The following SAMD12 variants were observed in gnomAD, a reference collection of about 807,000 sequenced individuals.
The protein encoded by SAMD12 is sterile alpha motif domain-containing protein 12.
In SAMD12, 9 loss-of-function variants were observed where a neutral mutation model predicts 15.0. The observed-to-expected ratio is 0.60, with a 90% CI of 0.36 to 1.05. The LOEUF (loss-of-function observed/expected upper bound fraction) is 1.05, where lower values mean the gene tolerates loss of function less well. Among genes scored for constraint, SAMD12 ranks in the 50% least tolerant of loss-of-function variants. The pLI is 0.01. For synonymous variants in SAMD12, 86 were observed against 90.1 expected (o/e 0.96, Z 0.25); for missense variants, 230 against 234.2 (o/e 0.98, Z 0.12).
intron 3 of SAMD12, among the ~76,000 whole-genome samples, chr8:118,413,536 T>A (rs1157451826): frequency 2.6e-5 from 4 of 152,196 alleles, no homozygotes; most frequent in Admixed American, 2.0e-4. Context: ...TCCACAATGG[T>A]CTTATCTCTG....
intron 4 of SAMD12, among the ~76,000 whole-genome samples, chr8:118,371,904 A>G (rs1356877296): frequency 6.6e-6 from 1 of 152,168 alleles, no homozygotes; most frequent in Admixed American, 6.5e-5. Context: ...ACAGCCTGAG[A>G]GAGGCCATTA....
intron 4 of SAMD12, among the ~76,000 whole-genome samples, chr8:118,307,966 C>G (rs1053707946): frequency 1.3e-5 from 2 of 152,226 alleles, no homozygotes; most frequent in African/African-American, 2.4e-5. Flanking sequence ...AAGGTCACAG[C>G]CCTTATGACA....
intron 2 of SAMD12, among the ~76,000 whole-genome samples, chr8:118,492,121 C>CTTTTTTTTTTT: frequency 8.9e-6 from 1 of 112,578 alleles, no homozygotes; most frequent in Non-Finnish European, 1.7e-5. Flanking sequence ...ACTGGTGTTG[C>CTTTTTTTTTTT]CTTTTTTTTT....
At chr8:118,204,911 C>G (rs1257119790) in intron 4 of SAMD12, among the ~76,000 whole-genome samples, 1 of 152,290 alleles carries the variant, frequency 6.6e-6, no homozygotes, top group South Asian at 2.1e-4. Context: ...CACAATAAGT[C>G]TGTGATGGTT....
At chr8:118,411,933 T>C (rs773091341) in intron 3 of SAMD12, among the ~76,000 whole-genome samples, 27 of 152,210 alleles carry the variant, frequency 1.8e-4, no homozygotes, top group Admixed American at 2.0e-4. Flanking sequence ...ATTTGGGCAG[T>C]GTCCTGGTTG....
chr8:118,151,505 TC>T, the SAMD12 span, among the ~76,000 whole-genome samples: 2 of 152,064 alleles, frequency 1.3e-5, no homozygotes, highest in African/African-American at 4.8e-5. Context: ...CCTGGAGTGA[TC>T]ATAGCAGGAA....
chr8:118,584,436 CTTAAT>C (rs1340879494), intron 1 of SAMD12, among the ~76,000 whole-genome samples: 2 of 152,072 alleles, frequency 1.3e-5, no homozygotes. Context: ...AAGTTATTTA[CTTAAT>C]TTAATGGGCT....
At chr8:118,517,084 G>C (rs572480982) in intron 2 of SAMD12, among the ~76,000 whole-genome samples, 6 of 152,264 alleles carry the variant, frequency 3.9e-5, no homozygotes, top group South Asian at 4.1e-4. Flanking sequence ...CCTTCTAGGG[G>C]TAAGTAGCCC....
At chr8:118,137,111 C>T in the SAMD12 span, among the ~76,000 whole-genome samples, 1 of 152,192 alleles carries the variant, frequency 6.6e-6, no homozygotes, top group Non-Finnish European at 1.5e-5. Context: ...TCCAGGGCCC[C>T]AGTTACAGAA....
intron 4 of SAMD12, among the ~76,000 whole-genome samples, chr8:118,247,753 T>C (rs763288277): frequency 2.1e-4 from 32 of 151,980 alleles, no homozygotes; most frequent in Non-Finnish European, 4.4e-4. Context: ...CCACCACTCC[T>C]GACTAATTTT....
chr8:118,216,423 C>T (rs1811961387), intron 4 of SAMD12, among the ~76,000 whole-genome samples: 2 of 151,952 alleles, frequency 1.3e-5, no homozygotes, highest in Admixed American at 1.3e-4. Flanking sequence ...CCTGTTCACT[C>T]TGATGGTAGT....
chr8:118,239,659 T>C (rs1812523146), intron 4 of SAMD12, among the ~76,000 whole-genome samples: 1 of 152,160 alleles, frequency 6.6e-6, no homozygotes, highest in South Asian at 2.1e-4. Context: ...GTTCTTCCCA[T>C]CCAGGGTTGG....
intron 4 of SAMD12, among the ~76,000 whole-genome samples, chr8:118,253,134 C>T (rs1391137754): frequency 2.0e-5 from 3 of 152,178 alleles, no homozygotes; most frequent in Non-Finnish European, 4.4e-5. Flanking sequence ...GATATTTCTT[C>T]ATGAGCCAGC....
At chr8:118,455,604 T>G (rs901157473) in intron 2 of SAMD12, among the ~76,000 whole-genome samples, 1 of 152,300 alleles carries the variant, frequency 6.6e-6, no homozygotes, top group East Asian at 1.9e-4. Flanking sequence ...AGTTTATTAT[T>G]CTTTCTCAAT....
At chr8:118,322,040 A>C (rs1257579190) in intron 4 of SAMD12, among the ~76,000 whole-genome samples, 1 of 152,004 alleles carries the variant, frequency 6.6e-6, no homozygotes, top group African/African-American at 2.4e-5. Flanking sequence ...TGTTCACCTT[A>C]CTGACTCCTC....
intron 2 of SAMD12, among the ~76,000 whole-genome samples, chr8:118,502,641 TGTAAA>T: frequency 6.6e-6 from 1 of 152,320 alleles, no homozygotes; most frequent in South Asian, 2.1e-4. Context: ...TGAATAAAAA[TGTAAA>T]ATTAAATTCA....
intron 2 of SAMD12, among the ~76,000 whole-genome samples, chr8:118,473,451 A>G (rs1443506794): frequency 1.3e-5 from 2 of 152,150 alleles, no homozygotes; most frequent in Non-Finnish European, 2.9e-5. Context: ...TCCCACAACC[A>G]CATCTTTATA....
At chr8:118,553,518 T>C (rs1025323217) in intron 2 of SAMD12, among the ~76,000 whole-genome samples, 9 of 152,214 alleles carry the variant, frequency 5.9e-5, no homozygotes, top group Non-Finnish European at 1.0e-4. Flanking sequence ...TCACACCTTA[T>C]ACAAAAATCA....
intron 2 of SAMD12, among the ~76,000 whole-genome samples, chr8:118,514,426 A>G (rs1218388466): frequency 2.0e-5 from 3 of 152,198 alleles, no homozygotes; most frequent in African/African-American, 4.8e-5. Flanking sequence ...ATTCATTCAC[A>G]GCAAATATTT....
Sources: allele counts gnomAD v4.1 joint callset (sites outside exome capture counted in the v4.1 genomes callset), GRCh38; gene constraint gnomAD v4.1.1; transcripts MANE v1.5; gene names NCBI Gene and HGNC (gene_info 2026-07-23, HGNC 2026-07-21).